SYT1: variants seen among roughly 807,000 people sequenced by gnomAD.
SYT1 encodes synaptotagmin-1.
Under a neutral mutation model 44.8 loss-of-function variants are expected in SYT1, and 8 were observed. That is an observed-to-expected ratio of 0.18 (90% CI 0.10 to 0.32). The LOEUF (loss-of-function observed/expected upper bound fraction) is 0.32. Among genes scored for constraint, SYT1 ranks in the 10% least tolerant of loss-of-function variants. The probability of loss-of-function intolerance (pLI) is 1.00; values close to 1 mark genes in which losing one functional copy is unlikely to be tolerated. For missense variants in SYT1, 286 were observed against 509.3 expected (o/e 0.56, Z 4.22); for synonymous variants, 154 against 188.8 (o/e 0.82, Z 1.51).
At chr12:79,364,055 G>T (rs544621504) in intron 9 of SYT1, among the ~76,000 whole-genome samples, 2 of 152,008 alleles carry the variant, frequency 1.3e-5, no homozygotes, top group Non-Finnish European at 2.9e-5. Flanking sequence ...TCTTCCAAAT[G>T]ATCTGACTTA....
chr12:78,925,309 C>A (rs187539501), intron 1 of SYT1, among the ~76,000 whole-genome samples: 1 of 151,974 alleles, frequency 6.6e-6, no homozygotes, highest in East Asian at 1.9e-4. Flanking sequence ...AACTGTTAAT[C>A]TAGGAATCTG....
intron 4 of SYT1, among the ~76,000 whole-genome samples, chr12:79,276,465 C>G (rs1449231661): frequency 1.3e-5 from 2 of 151,920 alleles, no homozygotes; most frequent in African/African-American, 4.8e-5. Context: ...ATCATGAGGT[C>G]AAGAGATCGA....
chr12:79,141,650 A>C (rs1325866775), intron 3 of SYT1, among the ~76,000 whole-genome samples: 1 of 152,230 alleles, frequency 6.6e-6, no homozygotes, highest in African/African-American at 2.4e-5. Context: ...AAAAATATCT[A>C]GATTAGCAAT....
chr12:78,939,850 A>G (rs1878257461), intron 1 of SYT1, among the ~76,000 whole-genome samples: 1 of 152,210 alleles, frequency 6.6e-6, no homozygotes, highest in Admixed American at 6.5e-5. Context: ...CTACATTTAT[A>G]GAGAAATTAG....
chr12:79,020,652 C>G (rs1872131070), intron 2 of SYT1, among the ~76,000 whole-genome samples: 1 of 151,880 alleles, frequency 6.6e-6, no homozygotes, highest in African/African-American at 2.4e-5. Context: ...ATGGATACAT[C>G]CATGAGTTTA....
At chr12:79,389,570 AG>A (rs1377231850) in intron 9 of SYT1, among the ~76,000 whole-genome samples, 1 of 152,200 alleles carries the variant, frequency 6.6e-6, no homozygotes, top group Non-Finnish European at 1.5e-5. Context: ...AAATGTTAAA[AG>A]CTTAATTGTC....
At chr12:78,888,151 T>A (rs1040905544) in intron 1 of SYT1, among the ~76,000 whole-genome samples, 1 of 151,934 alleles carries the variant, frequency 6.6e-6, no homozygotes, top group Non-Finnish European at 1.5e-5. Context: ...CTTAAGAAAT[T>A]GATAGTTTTT....
intron 1 of SYT1, among the ~76,000 whole-genome samples, chr12:78,975,844 T>C (rs1382517964): frequency 6.6e-6 from 1 of 152,070 alleles, no homozygotes. Flanking sequence ...TTTCAGAGAG[T>C]TGAGGGGAAG....
intron 3 of SYT1, among the ~76,000 whole-genome samples, chr12:79,130,968 A>G (rs12312334): frequency 0.11 from 17,379 of 152,166 alleles, 1,068 homozygotes; most frequent in African/African-American, 0.13. Context: ...GGCATTGAAC[A>G]GGGATTTGGA....
intron 1 of SYT1, among the ~76,000 whole-genome samples, chr12:78,943,319 T>C (rs1262997185): frequency 6.6e-6 from 1 of 152,136 alleles, no homozygotes; most frequent in Non-Finnish European, 1.5e-5. Flanking sequence ...AGCATGGTCT[T>C]GGCATCTGCA....
At chr12:79,444,013 CTT>C (rs1436614733) in intron 9 of SYT1, 58 bp from the exon 10 acceptor site, 13 of 1,577,470 alleles carry the variant, frequency 8.2e-6, no homozygotes, top group Non-Finnish European at 1.1e-5. Context: ...TATAAGCTAA[CTT>C]ATAATCTAAA....
chr12:79,106,726 C>A lies in SYT1; in HGVS notation c.-18+59364C>A, dbSNP rs1296407362. The stretch of plus-strand genomic sequence containing the variant: ...CTTTCCATATGAAAAAAAAAAAATT[C>A]TTTGACATAATAGCTAAAGGTGATG... On this transcript the variant is annotated intron_variant, in intron 3 of 10. Transcript: ENST00000261205. Among the ~76,000 whole-genome samples, 5 of 151,282 alleles carry A rather than the reference C, an allele frequency of 3.3e-5. No individual in the cohort carries two copies. The South Asian group carries it at 6.3e-4, about 19-fold the overall frequency.
At chr12:79,157,478 A>G (rs1178231615) in intron 3 of SYT1, among the ~76,000 whole-genome samples, 2 of 152,198 alleles carry the variant, frequency 1.3e-5, no homozygotes, top group African/African-American at 4.8e-5. Context: ...ACTTTAAATG[A>G]AACCTAAACA....
Position 79,449,223 on chromosome 12 carries a change from G to A in SYT1, c.*99G>A. 1 of 1,254,760 alleles carries A rather than the reference G, an allele frequency of 8.0e-7. No homozygotes were observed. The highest frequency in any genetic ancestry group is 1.1e-6 in the Non-Finnish European group (1 of 900,788). The allele number at this position is 1,254,760 out of a possible 1,614,324, so 77.7% of individuals were successfully genotyped here. On this transcript the variant is annotated 3_prime_UTR_variant, in exon 11 of 11. Transcript: ENST00000261205. Reference sequence around the variant, plus strand: ...TGGGTCCTTTCATTTTTCCAGCCATGCATTCCTAACACAATTCAGTGGTAC... The same window carrying A: ...TGGGTCCTTTCATTTTTCCAGCCATACATTCCTAACACAATTCAGTGGTAC...
At chr12:79,302,491 C>T (rs752877200) in intron 8 of SYT1, among the ~76,000 whole-genome samples, 32 of 152,004 alleles carry the variant, frequency 2.1e-4, no homozygotes, top group Non-Finnish European at 3.1e-4. Context: ...AAATAATGTG[C>T]AAGCAATTTA....
intron 8 of SYT1, among the ~76,000 whole-genome samples, chr12:79,338,677 T>G (rs1882204238): frequency 6.9e-6 from 1 of 144,724 alleles, no homozygotes; most frequent in South Asian, 2.5e-4. Context: ...TCCCTCCCTT[T>G]TTTTTTATTA....
intron 4 of SYT1, among the ~76,000 whole-genome samples, chr12:79,238,075 T>A (rs535834901): frequency 1.1e-3 from 171 of 152,202 alleles, no homozygotes; most frequent in African/African-American, 4.0e-3. Context: ...CATTCCACAC[T>A]GAATGAGGTA....
intron 4 of SYT1, among the ~76,000 whole-genome samples, chr12:79,247,859 A>C (rs1481956851): frequency 4.6e-5 from 7 of 152,224 alleles, no homozygotes; most frequent in African/African-American, 1.7e-4. Flanking sequence ...AAAATCTAGG[A>C]AGATGCACAG....
chr12:79,103,540 A>T (rs1009299490), intron 3 of SYT1, among the ~76,000 whole-genome samples: 9 of 152,112 alleles, frequency 5.9e-5, no homozygotes, highest in Non-Finnish European at 8.8e-5. Context: ...GATAGTAGGT[A>T]TATTCTTTTA....
Sources: gnomAD v4.1 joint callset for allele counts (sites outside exome capture counted in the v4.1 genomes callset) on GRCh38, gnomAD v4.1.1 for gene constraint, MANE v1.5 for transcripts, NCBI Gene and HGNC (gene_info 2026-07-23, HGNC 2026-07-21) for gene names.